The following RORA variants were observed in gnomAD, a reference collection of about 807,000 sequenced individuals.
RORA encodes the protein RAR related orphan receptor A.
Under a neutral mutation model 69.5 loss-of-function variants are expected in RORA, and 7 were observed. That is an observed-to-expected ratio of 0.10 (90% CI 0.06 to 0.19). The LOEUF (loss-of-function observed/expected upper bound fraction) is 0.19, where lower values mean the gene tolerates loss of function less well. Among genes scored for constraint, RORA ranks in the 10% least tolerant of loss-of-function variants. The pLI is 1.00. For synonymous variants in RORA, 261 were observed against 240.8 expected, an observed-to-expected ratio of 1.08 and a Z score of -0.78; for missense variants, 457 against 663.0, an observed-to-expected ratio of 0.69 and a Z score of 3.41.
At chr15:61,227,423 C>T (rs2080157255) in intron 1 of RORA, among the ~76,000 whole-genome samples, 1 of 152,086 alleles carries the variant, frequency 6.6e-6, no homozygotes, top group African/African-American at 2.4e-5. Flanking sequence ...TCCCAGCCCT[C>T]GCCGCCCCCC....
At chr15:60,711,236 C>G (rs946927581) in intron 1 of RORA, among the ~76,000 whole-genome samples, 1 of 152,162 alleles carries the variant, frequency 6.6e-6, no homozygotes, top group South Asian at 2.1e-4. Flanking sequence ...TTCCCTGGAA[C>G]TAGTCACTCA....
At chr15:60,692,270 C>A (rs533798992) in intron 1 of RORA, among the ~76,000 whole-genome samples, 1 of 152,234 alleles carries the variant, frequency 6.6e-6, no homozygotes, top group Admixed American at 6.5e-5. Context: ...TTTGCATAAT[C>A]CCAATTGTAA....
intron 1 of RORA, among the ~76,000 whole-genome samples, chr15:61,003,329 C>T (rs544867373): frequency 1.3e-5 from 2 of 152,224 alleles, no homozygotes; most frequent in South Asian, 2.1e-4. Flanking sequence ...ACTATGTAAT[C>T]TGCTGATTTA....
chr15:60,970,379 C>T (rs1893679112), intron 1 of RORA, among the ~76,000 whole-genome samples: 1 of 152,200 alleles, frequency 6.6e-6, no homozygotes, highest in Non-Finnish European at 1.5e-5. Context: ...CACTTCTCTG[C>T]CTTTGTTCAT....
chr15:60,611,648 A>G (rs1271309636), intron 2 of RORA, among the ~76,000 whole-genome samples: 1 of 146,232 alleles, frequency 6.8e-6, no homozygotes, highest in African/African-American at 2.5e-5. Flanking sequence ...TAGGTGCTCA[A>G]TAAATACCAG....
chr15:60,840,566 C>T (rs1458167949), intron 1 of RORA, among the ~76,000 whole-genome samples: 1 of 152,322 alleles, frequency 6.6e-6, no homozygotes, highest in East Asian at 1.9e-4. Context: ...CCTCAGGAGT[C>T]CCATTTAGAA....
intron 2 of RORA, among the ~76,000 whole-genome samples, chr15:60,590,085 G>C (rs1312707183): frequency 6.6e-6 from 1 of 152,052 alleles, no homozygotes; most frequent in African/African-American, 2.4e-5. Context: ...TTGCACCAAA[G>C]CAAGATAATC....
chr15:60,739,735 C>T (rs1299082496), intron 1 of RORA, among the ~76,000 whole-genome samples: 1 of 152,140 alleles, frequency 6.6e-6, no homozygotes, highest in Non-Finnish European at 1.5e-5. Context: ...AGCAAACCTT[C>T]CTCCACCTTG....
At chr15:61,110,146 C>G (rs2078990199) in intron 1 of RORA, among the ~76,000 whole-genome samples, 1 of 152,162 alleles carries the variant, frequency 6.6e-6, no homozygotes, top group African/African-American at 2.4e-5. Flanking sequence ...CGCCTGTAAT[C>G]CCACCACTTT....
chr15:61,132,295 TAACG>T (rs1476611247), intron 1 of RORA, among the ~76,000 whole-genome samples: 1 of 152,158 alleles, frequency 6.6e-6, no homozygotes, highest in Non-Finnish European at 1.5e-5. Flanking sequence ...TTTTTTATCT[TAACG>T]GATGTTTGAA....
At chr15:61,165,864 C>T (rs549074670) in intron 1 of RORA, among the ~76,000 whole-genome samples, 3 of 152,310 alleles carry the variant, frequency 2.0e-5, no homozygotes, top group Non-Finnish European at 2.9e-5. Context: ...GCAGAGACCT[C>T]ATTTAATCCC....
intron 1 of RORA, among the ~76,000 whole-genome samples, chr15:60,731,992 C>G (rs557524179): frequency 1.1e-4 from 17 of 152,180 alleles, no homozygotes; most frequent in African/African-American, 4.1e-4. Context: ...TCCGAATAGG[C>G]GAAGGGAGAG....
chr15:60,543,895 C>G (rs748123854), intron 2 of RORA, among the ~76,000 whole-genome samples: 1 of 152,128 alleles, frequency 6.6e-6, no homozygotes, highest in African/African-American at 2.4e-5. Context: ...ATTTCTAACA[C>G]AGAGGCCTAA....
chr15:61,051,704 G>C (rs1240528075), intron 1 of RORA, among the ~76,000 whole-genome samples: 1 of 152,172 alleles, frequency 6.6e-6, no homozygotes, highest in Non-Finnish European at 1.5e-5. Flanking sequence ...CTTCGGAAAG[G>C]ACTGGTATTT....
At chr15:61,143,515 C>G (rs907647215) in intron 1 of RORA, among the ~76,000 whole-genome samples, 2 of 152,130 alleles carry the variant, frequency 1.3e-5, no homozygotes, top group African/African-American at 4.8e-5. Context: ...GTTATTAACT[C>G]TATTGGCTAT....
intron 2 of RORA, chr15:60,601,074 A>G (rs1359582805): frequency 6.6e-6 from 1 of 152,226 alleles, no homozygotes; most frequent in East Asian, 1.9e-4. Flanking sequence ...TGATTCTAGC[A>G]TGTGCACTCC....
intron 1 of RORA, among the ~76,000 whole-genome samples, chr15:61,104,513 G>A (rs181697432): frequency 4.6e-5 from 7 of 152,124 alleles, no homozygotes; most frequent in East Asian, 1.9e-4. Flanking sequence ...CTCACTCCCC[G>A]CTGCCACTTA....
chr15:60,916,224 G>C (rs1891869192), intron 1 of RORA, among the ~76,000 whole-genome samples: 1 of 152,156 alleles, frequency 6.6e-6, no homozygotes, highest in East Asian at 1.9e-4. Context: ...TAGATATTCA[G>C]ATTCCCTCCA....
At chr15:60,569,268 A>AT (rs2067809257) in intron 2 of RORA, among the ~76,000 whole-genome samples, 1 of 150,230 alleles carries the variant, frequency 6.7e-6, no homozygotes, top group Admixed American at 6.6e-5. Flanking sequence ...AATTAAAAAA[A>AT]AAAAAAAAAA....
Sources: allele counts gnomAD v4.1 joint callset (sites outside exome capture counted in the v4.1 genomes callset), GRCh38; gene constraint gnomAD v4.1.1; transcripts MANE v1.5; gene names NCBI Gene and HGNC (gene_info 2026-07-23, HGNC 2026-07-21).